The following ZFHX3 variants were observed in gnomAD, a reference collection of about 807,000 sequenced individuals.
ZFHX3 encodes zinc finger homeobox protein 3.
ZFHX3 carries 42 observed loss-of-function variants against 279.1 expected under a neutral mutation model. That is an observed-to-expected ratio of 0.15 (90% CI 0.12 to 0.19). ZFHX3 has a LOEUF of 0.19. Ranked by LOEUF, ZFHX3 falls within the 10% of genes least tolerant of loss-of-function variation. The pLI is 1.00. For synonymous variants in ZFHX3, 2,293 were observed against 1,957.8 expected (o/e 1.17, Z -4.52); for missense variants, 4,981 against 4,754.0 (o/e 1.05, Z -1.40).
At chr16:73,627,795 G>A (rs547487705) in intron 2 of ZFHX3, among the ~76,000 whole-genome samples, 27 of 152,332 alleles carry the variant, frequency 1.8e-4, no homozygotes, top group Admixed American at 8.5e-4. Flanking sequence ...GCATGTGCCT[G>A]TAATCCCAGC....
At chr16:72,874,196 TGA>T (rs1200357975) in intron 4 of ZFHX3, among the ~76,000 whole-genome samples, 43 of 124,188 alleles carry the variant, frequency 3.5e-4, no homozygotes, top group African/African-American at 1.2e-3. Context: ...GAGGATTTTT[TGA>T]TTTTTTTTTT....
upstream of ZFHX3, among the ~76,000 whole-genome samples, chr16:73,049,976 C>T (rs1373032683): frequency 2.0e-5 from 3 of 152,202 alleles, no homozygotes; most frequent in African/African-American, 4.8e-5. Flanking sequence ...TGGCCCACAA[C>T]GCAGAGATGC....
intron 3 of ZFHX3, among the ~76,000 whole-genome samples, chr16:73,452,328 ATT>A (rs1435073700): frequency 6.6e-6 from 1 of 152,210 alleles, no homozygotes; most frequent in Non-Finnish European, 1.5e-5. Flanking sequence ...CATTAATGAG[ATT>A]TTAATTTACT....
intron 4 of ZFHX3, among the ~76,000 whole-genome samples, chr16:72,861,813 A>C (rs537294115): frequency 1.7e-4 from 26 of 152,260 alleles, no homozygotes; most frequent in African/African-American, 6.0e-4. Context: ...TCAGGAGTTC[A>C]AGACCAGTCT....
At chr16:73,141,920 G>C (rs1035096219) in intron 6 of ZFHX3, among the ~76,000 whole-genome samples, 1 of 152,122 alleles carries the variant, frequency 6.6e-6, no homozygotes, top group African/African-American at 2.4e-5. Context: ...TTTAGGACCT[G>C]TTTATTTTCA....
chr16:72,984,978 A>G (rs1962785247), intron 1 of ZFHX3, among the ~76,000 whole-genome samples: 1 of 152,206 alleles, frequency 6.6e-6, no homozygotes, highest in South Asian at 2.1e-4. Flanking sequence ...AACAAAATAG[A>G]GCAATTAAAA....
At chr16:73,600,656 G>C (rs185186040) in intron 2 of ZFHX3, among the ~76,000 whole-genome samples, 15 of 152,116 alleles carry the variant, frequency 9.9e-5, no homozygotes, top group African/African-American at 3.6e-4. Context: ...TCTTGACCTC[G>C]TGATCCGCCC....
At chr16:72,917,015 G>A (rs962889145) in intron 3 of ZFHX3, among the ~76,000 whole-genome samples, 3 of 152,148 alleles carry the variant, frequency 2.0e-5, no homozygotes, top group African/African-American at 7.2e-5. Flanking sequence ...CAGGCAGGTG[G>A]ATTGCTTGAG....
intron 1 of ZFHX3, among the ~76,000 whole-genome samples, chr16:73,725,049 C>T (rs376930086): frequency 6.6e-6 from 1 of 152,280 alleles, no homozygotes; most frequent in East Asian, 1.9e-4. Flanking sequence ...TTCATTGTTT[C>T]CTATAAACTG....
intron 2 of ZFHX3, among the ~76,000 whole-genome samples, chr16:73,533,067 C>T (rs1403271115): frequency 6.6e-6 from 1 of 152,156 alleles, no homozygotes; most frequent in East Asian, 1.9e-4. Flanking sequence ...AATGCACCAC[C>T]TCATGATCAA....
At chr16:73,631,621 C>T (rs1052502108) in intron 2 of ZFHX3, among the ~76,000 whole-genome samples, 1 of 152,126 alleles carries the variant, frequency 6.6e-6, no homozygotes, top group Non-Finnish European at 1.5e-5. Context: ...CTTTGCATCT[C>T]TGGCTGGGCG....
At chr16:73,834,013 T>C (rs920003226) in intron 1 of ZFHX3, among the ~76,000 whole-genome samples, 8 of 152,032 alleles carry the variant, frequency 5.3e-5, no homozygotes, top group Non-Finnish European at 7.4e-5. Flanking sequence ...AATTACACCA[T>C]GAAGGGCTAT....
At chr16:73,418,408 G>C (rs550076984) in intron 3 of ZFHX3, among the ~76,000 whole-genome samples, 2 of 152,342 alleles carry the variant, frequency 1.3e-5, no homozygotes, top group East Asian at 1.9e-4. Context: ...GAAAGGATGA[G>C]AAGTGGGTAC....
chr16:73,391,137 C>T (rs542995072), intron 3 of ZFHX3, among the ~76,000 whole-genome samples: 15 of 152,200 alleles, frequency 9.9e-5, no homozygotes, highest in Admixed American at 2.0e-4. Context: ...CCACCTTGGG[C>T]GGACAGGCCC....
chr16:73,778,194 G>C (rs1959324208), intron 1 of ZFHX3, among the ~76,000 whole-genome samples: 1 of 121,932 alleles, frequency 8.2e-6, no homozygotes, highest in Admixed American at 1.1e-4. Flanking sequence ...TCTCATCTAA[G>C]AGACACCACA....
At chr16:73,741,315 T>G (rs1194738476) in intron 1 of ZFHX3, among the ~76,000 whole-genome samples, 2 of 152,154 alleles carry the variant, frequency 1.3e-5, no homozygotes, top group Non-Finnish European at 2.9e-5. Context: ...GGGATAAAAA[T>G]GGACAGCAAG....
At chr16:73,345,440 G>A (rs774265973) in intron 3 of ZFHX3, among the ~76,000 whole-genome samples, 7 of 130,326 alleles carry the variant, frequency 5.4e-5, no homozygotes, top group East Asian at 2.3e-4. Context: ...CCCTCCCTGC[G>A]TACATGTGTT....
intron 1 of ZFHX3, among the ~76,000 whole-genome samples, chr16:73,802,506 G>T (rs1960172994): frequency 6.6e-6 from 1 of 152,192 alleles, no homozygotes; most frequent in African/African-American, 2.4e-5. Flanking sequence ...AGACACTGAT[G>T]ATAGGACACA....
chr16:72,849,300 A>G (rs766452318), intron 4 of ZFHX3, among the ~76,000 whole-genome samples: 3 of 152,166 alleles, frequency 2.0e-5, no homozygotes, highest in Admixed American at 6.5e-5. Context: ...AGGAGCTGCA[A>G]GAGAAAAACG....
Sources: gnomAD v4.1 joint callset for allele counts (sites outside exome capture counted in the v4.1 genomes callset) on GRCh38, gnomAD v4.1.1 for gene constraint, MANE v1.5 for transcripts, NCBI Gene and HGNC (gene_info 2026-07-23, HGNC 2026-07-21) for gene names.